The following SGMS1 variants were observed in gnomAD, a reference collection of about 807,000 sequenced individuals.
SGMS1 encodes sphingomyelin synthase 1, also known as phosphatidylcholine:ceramide cholinephosphotransferase 1.
In SGMS1, 13 loss-of-function variants were observed where a neutral mutation model predicts 46.2. The observed-to-expected ratio is 0.28, with a 90% CI of 0.18 to 0.45. The LOEUF (loss-of-function observed/expected upper bound fraction) is 0.45. Ranked by LOEUF, SGMS1 falls within the 20% of genes least tolerant of loss-of-function variation. The pLI is 1.00. For missense variants in SGMS1, 324 were observed against 519.9 expected (o/e 0.62, Z 3.66); for synonymous variants, 203 against 187.8 (o/e 1.08, Z -0.66).
At chr10:50,557,908 G>A (rs1838201855) in intron 2 of SGMS1, among the ~76,000 whole-genome samples, 1 of 152,166 alleles carries the variant, frequency 6.6e-6, no homozygotes, top group East Asian at 1.9e-4. Flanking sequence ...ATAAAGATAG[G>A]AGGAGAAGGA....
chr10:50,589,469 G>C (rs576771060), intron 2 of SGMS1, among the ~76,000 whole-genome samples: 1 of 151,844 alleles, frequency 6.6e-6, no homozygotes, highest in Non-Finnish European at 1.5e-5. Flanking sequence ...TATTAAAAAT[G>C]GTTTTGGGTT....
intron 5 of SGMS1, among the ~76,000 whole-genome samples, chr10:50,449,179 G>A (rs1278254949): frequency 6.6e-6 from 1 of 152,174 alleles, no homozygotes; most frequent in Non-Finnish European, 1.5e-5. Context: ...GGAAAACCAG[G>A]TAATAATTTT....
At chr10:50,401,473 A>G (rs930811891) in intron 6 of SGMS1, among the ~76,000 whole-genome samples, 2 of 152,170 alleles carry the variant, frequency 1.3e-5, no homozygotes, top group African/African-American at 2.4e-5. Flanking sequence ...AACACTGGGA[A>G]CCAAACACAG....
chr10:50,574,678 T>C (rs1413368079), intron 2 of SGMS1, among the ~76,000 whole-genome samples: 1 of 152,188 alleles, frequency 6.6e-6, no homozygotes, highest in African/African-American at 2.4e-5. Context: ...AGGAGATACC[T>C]GCATGCTCAT....
intron 6 of SGMS1, among the ~76,000 whole-genome samples, chr10:50,401,551 T>A (rs1256852040): frequency 2.0e-5 from 3 of 152,172 alleles, no homozygotes; most frequent in Non-Finnish European, 4.4e-5. Context: ...GATTCTCAGG[T>A]GGTTCACACT....
intron 1 of SGMS1, among the ~76,000 whole-genome samples, chr10:50,609,458 G>A (rs1310120778): frequency 6.7e-6 from 1 of 150,074 alleles, no homozygotes; most frequent in Non-Finnish European, 1.5e-5. Context: ...GTTCATCACT[G>A]TGTCACCAGT....
intron 2 of SGMS1, among the ~76,000 whole-genome samples, chr10:50,533,702 A>T (rs1024152971): frequency 1.3e-5 from 2 of 152,102 alleles, no homozygotes; most frequent in Non-Finnish European, 2.9e-5. Context: ...ATAATTTATT[A>T]TTATGAAAGA....
chr10:50,617,306 A>G (rs570584330), intron 1 of SGMS1, among the ~76,000 whole-genome samples: 87 of 152,368 alleles, frequency 5.7e-4, no homozygotes, highest in African/African-American at 2.1e-3. Flanking sequence ...GTTGAATGAA[A>G]GGAACCAGAC....
At chr10:50,339,112 TAAACACCAGTTTCATTCTTTTA>T (rs910340612) in intron 7 of SGMS1, among the ~76,000 whole-genome samples, 2 of 152,244 alleles carry the variant, frequency 1.3e-5, no homozygotes, top group African/African-American at 4.8e-5. Context: ...CACATTCTTT[TAAACACCAGTTTCATTCTTTTA>T]AAACACCAGG....
intron 8 of SGMS1, among the ~76,000 whole-genome samples, chr10:50,320,030 A>G (rs1847414800): frequency 6.6e-6 from 1 of 152,146 alleles, no homozygotes; most frequent in African/African-American, 2.4e-5. Flanking sequence ...ATTAGTAACT[A>G]TATATTAGTT....
chr10:50,307,970 G>A lies in SGMS1; in HGVS notation c.1062+12C>T, dbSNP rs751341721. The A allele has an allele frequency of 3.0e-5, 48 of 1,612,888 alleles. No individual in the cohort carries two copies. Among genetic ancestry groups the A allele is most frequent in the Admixed American group, 2.0e-4 (12 of 59,920 alleles). On this transcript the variant is annotated intron_variant, in intron 10 of 10. Transcript: ENST00000361781. The surrounding 1 kb of genome is among the most constrained non-coding windows in gnomAD (Gnocchi z 4.2). ...AACAACAGAAGCTAAAATCAAAAGCGGGGAAACTCACTTGCTGATTGGCCA... is the reference window on the plus strand; with the variant it reads ...AACAACAGAAGCTAAAATCAAAAGCAGGGAAACTCACTTGCTGATTGGCCA...
At position 50,563,659 on chromosome 10, in the gene SGMS1, C is replaced by G. The variant is rs939033364; in HGVS notation, c.-589+26494G>C. ...TTGGGAGGCTGAGGCAGGAGAATGG[C>G]GTGAACCCGGGAGGCGGAGCTTGCA... On this transcript the variant is annotated intron_variant, in intron 2 of 10. Transcript: ENST00000361781. 1.6e-3 allele frequency among the ~76,000 whole-genome samples: 224 copies of G among 138,312 alleles called. 2 individuals are homozygous for G. The highest frequency in any genetic ancestry group is 3.1e-3 in the African/African-American group (117 of 37,700). The allele number at this position is 138,312 out of a possible 152,430, so 90.7% of individuals were successfully genotyped here.
chr10:50,586,724 C>G (rs1183633663), intron 2 of SGMS1, among the ~76,000 whole-genome samples: 2 of 152,230 alleles, frequency 1.3e-5, no homozygotes, highest in African/African-American at 4.8e-5. Flanking sequence ...ACACCCAATT[C>G]TCCCAAGTGT....
chr10:50,497,143 G>A (rs1410653938), intron 3 of SGMS1, among the ~76,000 whole-genome samples: 5 of 152,166 alleles, frequency 3.3e-5, no homozygotes, highest in Non-Finnish European at 4.4e-5. Context: ...AACGATTAAC[G>A]ATGAGAACTC....
intron 4 of SGMS1, among the ~76,000 whole-genome samples, chr10:50,462,600 A>G (rs1176942933): frequency 1.3e-5 from 2 of 152,222 alleles, no homozygotes; most frequent in Non-Finnish European, 2.9e-5. Flanking sequence ...AGGAAATATG[A>G]GAAACCATTT....
chr10:50,368,735 A>G (rs1295842596), intron 6 of SGMS1, among the ~76,000 whole-genome samples: 2 of 152,264 alleles, frequency 1.3e-5, no homozygotes, highest in East Asian at 1.9e-4. Context: ...CTTGCAATTA[A>G]TCAATGACCA....
At chr10:50,461,565 C>T (rs1357657546) in intron 4 of SGMS1, among the ~76,000 whole-genome samples, 2 of 152,088 alleles carry the variant, frequency 1.3e-5, no homozygotes, top group East Asian at 3.8e-4. Context: ...AGGCTCTCAA[C>T]CCTTTTCAGG....
At chr10:50,487,684 G>A (rs536963127) in intron 3 of SGMS1, among the ~76,000 whole-genome samples, 3 of 151,984 alleles carry the variant, frequency 2.0e-5, no homozygotes, top group African/African-American at 7.2e-5. Context: ...ACACATGAAT[G>A]TACTTCTAGG....
chr10:50,428,859 C>G (rs1031988891), intron 6 of SGMS1, among the ~76,000 whole-genome samples: 5 of 152,144 alleles, frequency 3.3e-5, no homozygotes, highest in Non-Finnish European at 7.4e-5. Flanking sequence ...CCTAATAAAC[C>G]CATCATCAAA....
Sources: gnomAD v4.1 joint callset for allele counts (sites outside exome capture counted in the v4.1 genomes callset) on GRCh38, gnomAD v4.1.1 for gene constraint, Gnocchi (gnomAD v3.1) non-coding constraint, MANE v1.5 for transcripts, NCBI Gene and HGNC (gene_info 2026-07-23, HGNC 2026-07-21) for gene names.